SOX5: variants seen among roughly 807,000 people sequenced by gnomAD.
SOX5 encodes the protein SRY-box transcription factor 5, also known as transcription factor SOX-5.
In SOX5, 9 loss-of-function variants were observed where a neutral mutation model predicts 92.0. The observed-to-expected ratio is 0.10, with a 90% CI of 0.06 to 0.17. The LOEUF (loss-of-function observed/expected upper bound fraction) is 0.17. Among genes scored for constraint, SOX5 ranks in the 10% least tolerant of loss-of-function variants. The pLI is 1.00. For missense variants in SOX5, 642 were observed against 944.5 expected (o/e 0.68, Z 4.20); for synonymous variants, 344 against 336.3 (o/e 1.02, Z -0.25).
rs376269771 is a variant in SOX5, at chr12:24,249,658, A to T, written c.-77+27558T>A. 1.4e-4 allele frequency among the ~76,000 whole-genome samples: 21 copies of T among 152,294 alleles called. No individual in the cohort carries two copies. The East Asian group carries it at 3.9e-3, about 28-fold the overall frequency. On this transcript the variant is annotated intron_variant, in intron 3 of 4. Coordinates refer to the SOX5 transcript ENST00000446891. ...TTGCCTCACAATCACATGGCATCAC[A>T]AAGAGGGTGAGATCCCAGGCCAACA...
chr12:23,841,942 T>G (rs1042046709), intron 3 of SOX5, among the ~76,000 whole-genome samples: 2 of 147,214 alleles, frequency 1.4e-5, no homozygotes, highest in African/African-American at 5.1e-5. Flanking sequence ...AAATGTATAA[T>G]ACAACATAAT....
chr12:23,561,479 T>C (rs561965393), intron 11 of SOX5, among the ~76,000 whole-genome samples: 1 of 152,240 alleles, frequency 6.6e-6, no homozygotes, highest in East Asian at 1.9e-4. Context: ...CACAGTGCCA[T>C]GGTGGAAGGC....
intron 11 of SOX5, among the ~76,000 whole-genome samples, chr12:23,559,711 A>G (rs1945851852): frequency 6.6e-6 from 1 of 151,940 alleles, no homozygotes; most frequent in Non-Finnish European, 1.5e-5. Flanking sequence ...AAGGCTGTGT[A>G]CCCAAGAAAA....
At position 23,582,155 on chromosome 12, in the gene SOX5, G is replaced by C. The variant is rs144461166; in HGVS notation, c.1165-6317C>G. On this transcript the variant is annotated intron_variant, in intron 9 of 14. Coordinates refer to ENST00000451604, the MANE Select transcript of SOX5 (RefSeq NM_006940.6). The stretch of plus-strand genomic sequence containing the variant: ...GAATTGCATAATGTGCACTGTTGCC[G>C]CACCTCTTCCCTAGCTTGTGTGCAG... 5 of 985,140 alleles carry C rather than the reference G, an allele frequency of 5.1e-6. No individual in the cohort carries two copies. In the African/African-American group the frequency reaches 7.0e-5, roughly 14 times the overall value. 61.0% of individuals were successfully genotyped at this position (985,140 alleles called of 1,614,324 possible). A position where few individuals can be genotyped will look rare whatever the true frequency, so the allele number is the denominator to read the frequency against.
intron 1 of SOX5, among the ~76,000 whole-genome samples, chr12:24,392,223 C>T (rs139944413): frequency 4.1e-4 from 62 of 152,232 alleles, no homozygotes; most frequent in African/African-American, 1.3e-3. Flanking sequence ...TCTCCCTGTT[C>T]GAGTCTTATC....
At chr12:24,068,732 A>G (rs1157726036) in intron 4 of SOX5, among the ~76,000 whole-genome samples, 10 of 96,686 alleles carry the variant, frequency 1.0e-4, no homozygotes, top group East Asian at 4.8e-4. Context: ...ATATATATAT[A>G]TATATATATA....
chr12:24,323,324 C>T (rs1438958337), intron 2 of SOX5, among the ~76,000 whole-genome samples: 2 of 150,234 alleles, frequency 1.3e-5, no homozygotes, highest in East Asian at 3.9e-4. Context: ...TATATATATG[C>T]ACATATATAA....
chr12:24,022,901 A>G (rs1954468035), intron 4 of SOX5, among the ~76,000 whole-genome samples: 1 of 146,176 alleles, frequency 6.8e-6, no homozygotes, highest in African/African-American at 2.5e-5. Flanking sequence ...AGCGCCCCCA[A>G]CAAAACTTCT....
At chr12:24,285,959 C>A (rs560123065) in intron 2 of SOX5, among the ~76,000 whole-genome samples, 1 of 152,094 alleles carries the variant, frequency 6.6e-6, no homozygotes, top group African/African-American at 2.4e-5. Flanking sequence ...TGAAGACATC[C>A]TCATCAAATT....
chr12:24,254,796 T>C (rs766484399), intron 3 of SOX5, among the ~76,000 whole-genome samples: 33 of 151,912 alleles, frequency 2.2e-4, no homozygotes, highest in Non-Finnish European at 1.0e-4. Flanking sequence ...TTTAATGTTA[T>C]TTATGATCTT....
At chr12:24,319,955 T>C (rs1263356242) in intron 2 of SOX5, among the ~76,000 whole-genome samples, 1 of 152,218 alleles carries the variant, frequency 6.6e-6, no homozygotes, top group Non-Finnish European at 1.5e-5. Context: ...AGTAACTCAG[T>C]AGGTTACACA....
chr12:24,324,653 A>C (rs960907445), intron 2 of SOX5, among the ~76,000 whole-genome samples: 1 of 152,146 alleles, frequency 6.6e-6, no homozygotes, highest in Non-Finnish European at 1.5e-5. Context: ...AAGCTAAACT[A>C]TCTATGCTCA....
At chr12:24,528,353 C>G (rs1201373799) in intron 1 of SOX5, among the ~76,000 whole-genome samples, 1 of 152,022 alleles carries the variant, frequency 6.6e-6, no homozygotes, top group Non-Finnish European at 1.5e-5. Flanking sequence ...TAAAGTCTGA[C>G]AAGTCTTTCC....
At chr12:24,477,510 C>T (rs1160247373) in intron 1 of SOX5, among the ~76,000 whole-genome samples, 2 of 151,996 alleles carry the variant, frequency 1.3e-5, no homozygotes, top group South Asian at 2.1e-4. Flanking sequence ...AATTTACCAC[C>T]TGAATGTTGA....
intron 1 of SOX5, among the ~76,000 whole-genome samples, chr12:24,524,755 C>T (rs1375786266): frequency 3.3e-5 from 5 of 152,146 alleles, no homozygotes; most frequent in Non-Finnish European, 5.9e-5. Flanking sequence ...AAAAATAGTA[C>T]ATCATGCCTG....
intron 4 of SOX5, among the ~76,000 whole-genome samples, chr12:23,998,124 C>T (rs913193089): frequency 6.6e-6 from 1 of 152,068 alleles, no homozygotes; most frequent in African/African-American, 2.4e-5. Flanking sequence ...AGGTGTCAGA[C>T]TTGCCTAACA....
chr12:23,740,633 G>T (rs2093762127), intron 5 of SOX5, among the ~76,000 whole-genome samples: 1 of 152,106 alleles, frequency 6.6e-6, no homozygotes. Context: ...AATTAACCTT[G>T]ATTATAATCA....
chr12:24,028,187 T>C (rs1013822933), intron 4 of SOX5, among the ~76,000 whole-genome samples: 7 of 151,954 alleles, frequency 4.6e-5, no homozygotes, highest in African/African-American at 1.7e-4. Context: ...ACCAACACTT[T>C]TGTAATTACA....
intron 3 of SOX5, among the ~76,000 whole-genome samples, chr12:24,246,369 C>A (rs1938723452): frequency 6.6e-6 from 1 of 150,416 alleles, no homozygotes; most frequent in African/African-American, 2.4e-5. Flanking sequence ...CCTAATGTTT[C>A]AAACTTAAAA....
Sources: gnomAD v4.1 joint callset for allele counts (sites outside exome capture counted in the v4.1 genomes callset) on GRCh38, gnomAD v4.1.1 for gene constraint, MANE v1.5 for transcripts, NCBI Gene and HGNC (gene_info 2026-07-23, HGNC 2026-07-21) for gene names.